CDH4: variants seen among roughly 807,000 people sequenced by gnomAD.
The protein encoded by CDH4 is cadherin-4.
Under a neutral mutation model 86.0 loss-of-function variants are expected in CDH4, and 33 were observed. The observed-to-expected ratio is 0.38, with a 90% CI of 0.29 to 0.51. The LOEUF (loss-of-function observed/expected upper bound fraction) is 0.51, where lower values mean the gene tolerates loss of function less well. CDH4 is among the 20% of genes least tolerant of loss of function. The pLI is 0.86. For missense variants in CDH4, 1,114 were observed against 1,307.4 expected (o/e 0.85, Z 2.28); for synonymous variants, 555 against 549.4 (o/e 1.01, Z -0.14).
At chr20:61,768,443 A>G (rs2088728992) in intron 3 of CDH4, among the ~76,000 whole-genome samples, 2 of 152,136 alleles carry the variant, frequency 1.3e-5, no homozygotes, top group Admixed American at 6.5e-5. Context: ...GTTTCTGGTA[A>G]TGGTGTAGTA....
chr20:61,771,621 CAAAA>C (rs71331929), intron 3 of CDH4, among the ~76,000 whole-genome samples: 2 of 110,094 alleles, frequency 1.8e-5, no homozygotes, highest in African/African-American at 3.6e-5. Context: ...GACTCCATCT[CAAAA>C]AAAAAAAAAA....
chr20:61,751,328 C>G (rs2088492355), intron 3 of CDH4, among the ~76,000 whole-genome samples: 1 of 152,186 alleles, frequency 6.6e-6, no homozygotes, highest in South Asian at 2.1e-4. Flanking sequence ...CAAATGTTCC[C>G]TGGGGGGCAA....
chr20:61,891,476 C>G (rs1010804012), intron 7 of CDH4, among the ~76,000 whole-genome samples: 2 of 152,246 alleles, frequency 1.3e-5, no homozygotes, highest in Admixed American at 6.5e-5. Context: ...GTCCTCCCCC[C>G]TTCTCCAGGT....
intron 2 of CDH4, among the ~76,000 whole-genome samples, chr20:61,521,386 G>T (rs1328950537): frequency 2.0e-5 from 3 of 152,176 alleles, no homozygotes; most frequent in African/African-American, 7.2e-5. Context: ...AGGAGAGCGA[G>T]TTTGTAGGGA....
At chr20:61,581,844 G>A (rs2249675) in intron 2 of CDH4, among the ~76,000 whole-genome samples, 1 of 152,090 alleles carries the variant, frequency 6.6e-6, no homozygotes, top group Middle Eastern at 3.4e-3. Flanking sequence ...AGCCGCTACC[G>A]TGAGGTGGAA....
At chr20:61,859,948 A>G (rs1188531493) in intron 6 of CDH4, among the ~76,000 whole-genome samples, 7 of 152,234 alleles carry the variant, frequency 4.6e-5, no homozygotes, top group Non-Finnish European at 1.5e-5. Context: ...TGTCCACGGC[A>G]CTGCCGCGTG....
intron 2 of CDH4, among the ~76,000 whole-genome samples, chr20:61,358,119 C>T (rs1426557216): frequency 6.6e-6 from 1 of 152,182 alleles, no homozygotes; most frequent in African/African-American, 2.4e-5. Context: ...TTTTCTTCTG[C>T]CTGGATATGG....
At chr20:61,253,944 G>A (rs2084081917) in intron 1 of CDH4, among the ~76,000 whole-genome samples, 1 of 152,208 alleles carries the variant, frequency 6.6e-6, no homozygotes, top group Non-Finnish European at 1.5e-5. Context: ...CTCCTTCAGC[G>A]GGGCTGGCTT....
intron 3 of CDH4, among the ~76,000 whole-genome samples, chr20:61,746,407 C>A (rs558834987): frequency 6.6e-6 from 1 of 152,316 alleles, no homozygotes; most frequent in Non-Finnish European, 1.5e-5. Context: ...TCAGACCTTG[C>A]CCCAAGTGGT....
At chr20:61,383,591 TATA>T (rs2084928697) in intron 2 of CDH4, among the ~76,000 whole-genome samples, 2 of 1,870 alleles carry the variant, frequency 1.1e-3, no homozygotes, top group Non-Finnish European at 3.7e-3. Flanking sequence ...TATATATGAA[TATA>T]TGATATATAT....
intron 2 of CDH4, among the ~76,000 whole-genome samples, chr20:61,433,650 G>A (rs1400280343): frequency 6.6e-6 from 1 of 152,176 alleles, no homozygotes; most frequent in Non-Finnish European, 1.5e-5. Context: ...GAAAGTGAGA[G>A]CCAGCAAGCC....
intron 9 of CDH4, among the ~76,000 whole-genome samples, chr20:61,920,689 ATGATTGCATGGAAGCGTGGTGTCACGG>A (rs1275554310): frequency 3.6e-5 from 4 of 112,262 alleles, no homozygotes; most frequent in Non-Finnish European, 7.4e-5. Context: ...TGGTGTCGTG[ATGATTGCATGGAAGCGTGGTGTCACGG>A]TGATTGCATG....
Position 61,377,890 on chromosome 20 carries a change from C to T in CDH4, c.169+122953C>T, listed in dbSNP as rs1046736049. On this transcript the variant is annotated intron_variant, in intron 2 of 15. Coordinates refer to ENST00000614565, the MANE Select transcript of CDH4 (RefSeq NM_001794.5). This position sits in a 1 kb window ranked among gnomAD's most constrained non-coding sequence, Gnocchi z 4.0. ...CCAATTAGCGGGGAATTAGCTCACA[C>T]ATCCCTTCATGTGCCGTGATGTTGA... Among the ~76,000 whole-genome samples, 2 of 152,214 alleles carry T rather than the reference C, an allele frequency of 1.3e-5. No homozygotes were observed. The highest frequency in any genetic ancestry group is 3.9e-4 in the East Asian group (2 of 5,190).
chr20:61,822,180 A>G (rs1981077930), intron 4 of CDH4, among the ~76,000 whole-genome samples: 1 of 152,240 alleles, frequency 6.6e-6, no homozygotes, highest in Non-Finnish European at 1.5e-5. Flanking sequence ...GTACTGATGA[A>G]TTATGTGTTC....
Position 61,509,306 on chromosome 20 carries a change from G to A in CDH4, c.170-234257G>A, listed in dbSNP as rs115035665. ...ATGCCTCCTGCCCTCAGAGGGACCC[G>A]CCCACGGAGGGACTCATCCTGCCCC... is the stretch of plus-strand genomic sequence containing the variant. On this transcript the variant is annotated intron_variant, in intron 2 of 15. Transcript: ENST00000614565. Among the ~76,000 whole-genome samples the A allele has an allele frequency of 4.9e-3, 737 of 151,870 alleles. 4 individuals are homozygous for A. The highest frequency in any genetic ancestry group is 0.015 in the African/African-American group (618 of 41,384).
chr20:61,326,117 G>A (rs563103191), intron 2 of CDH4, among the ~76,000 whole-genome samples: 101 of 152,336 alleles, frequency 6.6e-4, no homozygotes, highest in African/African-American at 2.4e-3. Flanking sequence ...TAGAGTGGAG[G>A]ATGGAGTAAG....
At chr20:61,551,146 A>AT (rs1446854645) in intron 2 of CDH4, among the ~76,000 whole-genome samples, 2 of 152,224 alleles carry the variant, frequency 1.3e-5, no homozygotes, top group East Asian at 3.8e-4. Context: ...AAGCACTTAG[A>AT]TTTGCACATG....
intron 2 of CDH4, among the ~76,000 whole-genome samples, chr20:61,498,264 C>T (rs1216929119): frequency 6.6e-6 from 1 of 152,000 alleles, no homozygotes; most frequent in African/African-American, 2.4e-5. Context: ...AATAAACACA[C>T]AAGACTAGTG....
intron 5 of CDH4, among the ~76,000 whole-genome samples, chr20:61,848,964 G>A (rs546152902): frequency 9.9e-5 from 15 of 152,248 alleles, no homozygotes; most frequent in Non-Finnish European, 1.5e-4. Flanking sequence ...GAGCAAGCTC[G>A]TGGAGATCAT....
Sources: allele counts gnomAD v4.1 joint callset (sites outside exome capture counted in the v4.1 genomes callset), GRCh38; gene constraint gnomAD v4.1.1; non-coding constraint Gnocchi (gnomAD v3.1); transcripts MANE v1.5; gene names NCBI Gene and HGNC (gene_info 2026-07-23, HGNC 2026-07-21).